Variants in RAB10 observed in about 807,000 individuals in gnomAD.
RAB10 encodes ras-related protein Rab-10.
RAB10 carries 5 observed loss-of-function variants against 25.7 expected under a neutral mutation model. That is an observed-to-expected ratio of 0.19 (90% CI 0.10 to 0.41). The LOEUF is 0.41. Ranked by LOEUF, RAB10 falls within the 10% of genes least tolerant of loss-of-function variation. RAB10 has a pLI of 1.00. For synonymous variants in RAB10, 89 were observed against 86.4 expected, an observed-to-expected ratio of 1.03 and a Z score of -0.16; for missense variants, 103 against 245.8, an observed-to-expected ratio of 0.42 and a Z score of 3.89.
At chr2:26,064,159 ATATTTCT>A (rs1666466490) in intron 1 of RAB10, among the ~76,000 whole-genome samples, 1 of 152,182 alleles carries the variant, frequency 6.6e-6, no homozygotes, top group South Asian at 2.1e-4. Flanking sequence ...ATAGCCTGCC[ATATTTCT>A]TCATTGAAAG....
chr2:26,061,518 A>AT (rs1666393812), intron 1 of RAB10, among the ~76,000 whole-genome samples: 1 of 151,896 alleles, frequency 6.6e-6, no homozygotes. Flanking sequence ...CATGTAGCTA[A>AT]TATTACAGGT....
At chr2:26,068,846 T>C (rs1666567277) in intron 1 of RAB10, among the ~76,000 whole-genome samples, 1 of 152,246 alleles carries the variant, frequency 6.6e-6, no homozygotes, top group South Asian at 2.1e-4. Context: ...ATTTTACCTC[T>C]TCTGTAGAAG....
At chr2:26,090,796 T>C (rs1667089240) in intron 1 of RAB10, among the ~76,000 whole-genome samples, 1 of 152,024 alleles carries the variant, frequency 6.6e-6, no homozygotes, top group African/African-American at 2.4e-5. Context: ...TAACTGGGTG[T>C]GGTGGCACAG....
chr2:26,042,067 A>G (rs1303432267), intron 1 of RAB10, among the ~76,000 whole-genome samples: 2 of 152,200 alleles, frequency 1.3e-5, no homozygotes, highest in African/African-American at 4.8e-5. Context: ...TGGGAATTAC[A>G]TGGATTTGTC....
intron 2 of RAB10, among the ~76,000 whole-genome samples, chr2:26,106,849 C>T (rs140466028): frequency 0.02 from 3,103 of 152,254 alleles, 59 homozygotes; most frequent in Non-Finnish European, 0.034. Context: ...CACACCACTG[C>T]ACTCCAGCCT....
intron 1 of RAB10, among the ~76,000 whole-genome samples, chr2:26,075,630 G>C (rs1395605444): frequency 1.3e-5 from 2 of 152,190 alleles, no homozygotes; most frequent in Non-Finnish European, 2.9e-5. Context: ...GGAATTTAAA[G>C]TGGTTATGTT....
chr2:26,089,876 C>T (rs1007913817), intron 1 of RAB10, among the ~76,000 whole-genome samples: 8 of 152,094 alleles, frequency 5.3e-5, no homozygotes, highest in Admixed American at 2.6e-4. Context: ...TTTTCTTTTT[C>T]GGACAACTTT....
intron 1 of RAB10, among the ~76,000 whole-genome samples, chr2:26,085,216 C>T (rs976912610): frequency 5.3e-5 from 8 of 152,192 alleles, no homozygotes; most frequent in Non-Finnish European, 8.8e-5. Context: ...AGGCCGGGGG[C>T]AGTGACTCAC....
chr2:26,034,668 G>C lies in RAB10; in HGVS notation c.60G>C (p.Val20=). The change falls in exon 1 of 6, where the codon GTG becomes GTC. Residue 20 remains valine (V), a synonymous_variant. Coordinates refer to ENST00000264710, the MANE Select transcript of RAB10 (RefSeq NM_016131.5). ...TGCTCCTGATCGGGGATTCCGGAGTGGGGAAGACCTGCGTCCTTTTTCGTT... is the reference window on the plus strand; with the variant it reads ...TGCTCCTGATCGGGGATTCCGGAGTCGGGAAGACCTGCGTCCTTTTTCGTT... ...FKLLLIGDSG[V]GKTCVLFRFS... 1 of 1,614,228 alleles carries C rather than the reference G, an allele frequency of 6.2e-7. No homozygotes were observed. Among genetic ancestry groups the C allele is most frequent in the Non-Finnish European group, 8.5e-7 (1 of 1,180,034 alleles).
chr2:26,089,627 T>C (rs1387302908), intron 1 of RAB10, among the ~76,000 whole-genome samples: 3 of 152,174 alleles, frequency 2.0e-5, no homozygotes, highest in Non-Finnish European at 4.4e-5. Flanking sequence ...TATGCACCTG[T>C]GCCTTACCTT....
At chr2:26,055,213 C>T (rs1337267325) in intron 1 of RAB10, among the ~76,000 whole-genome samples, 2 of 152,084 alleles carry the variant, frequency 1.3e-5, no homozygotes, top group Non-Finnish European at 2.9e-5. Context: ...GTTAGAAGTG[C>T]ACTAAAATCC....
In RAB10 at chr2:26,110,003, A is replaced by C. The variant is rs534564326; in HGVS notation, c.327+97A>C. ...CCAACTGATCTTCAGGATATAATGT[A>C]CTGTTGAAGTCATTATTATTGAAGT... On this transcript the variant is annotated intron_variant, in intron 3 of 5. Coordinates refer to ENST00000264710, the MANE Select transcript of RAB10 (RefSeq NM_016131.5). 29 of 1,237,982 alleles carry C rather than the reference A, an allele frequency of 2.3e-5. 1 individual carries two copies. The East Asian group carries it at 8.1e-4, about 34-fold the overall frequency. 76.7% of individuals were successfully genotyped at this position (1,237,982 alleles called of 1,614,324 possible). A position where few individuals can be genotyped will look rare whatever the true frequency, so the allele number is the denominator to read the frequency against.
chr2:26,098,767 T>G lies in RAB10; in HGVS notation c.188+45T>G, dbSNP rs149886009. 1.1e-3 allele frequency: 1,602 copies of G among 1,455,322 alleles called. 5 individuals are homozygous for G. Among genetic ancestry groups the G allele is most frequent in the Middle Eastern group, 4.9e-3 (28 of 5,688 alleles). 90.2% of individuals were successfully genotyped at this position (1,455,322 alleles called of 1,614,324 possible). A position where few individuals can be genotyped will look rare whatever the true frequency, so the allele number is the denominator to read the frequency against. On this transcript the variant is annotated intron_variant, in intron 2 of 5. Coordinates refer to ENST00000264710, the MANE Select transcript of RAB10 (RefSeq NM_016131.5). Reference sequence around the variant, plus strand: ...TTTATGTAGCAGAATGTCAGGTTCCTTAAGGTTTCACAGTGAAATTCTTTT... The same window carrying G: ...TTTATGTAGCAGAATGTCAGGTTCCGTAAGGTTTCACAGTGAAATTCTTTT...
At chr2:26,033,901 C>T (rs1665694253), upstream of RAB10, among the ~76,000 whole-genome samples, 1 of 152,208 alleles carries the variant, frequency 6.6e-6, no homozygotes, top group African/African-American at 2.4e-5. Flanking sequence ...GGGAGCGCGC[C>T]CGCGGCCTCG....
At chr2:26,065,462 A>G (rs556506853) in intron 1 of RAB10, among the ~76,000 whole-genome samples, 3 of 151,026 alleles carry the variant, frequency 2.0e-5, no homozygotes, top group Non-Finnish European at 1.5e-5. Flanking sequence ...TTTGTTTTCA[A>G]CAACTACAGT....
chr2:26,052,975 T>C (rs147095969), intron 1 of RAB10, among the ~76,000 whole-genome samples: 1 of 152,342 alleles, frequency 6.6e-6, no homozygotes, highest in African/African-American at 2.4e-5. Context: ...TCAGTGGGCC[T>C]TGAAGTTGTA....
chr2:26,045,123 T>C (rs879836449), intron 1 of RAB10, among the ~76,000 whole-genome samples: 17 of 152,208 alleles, frequency 1.1e-4, no homozygotes, highest in Non-Finnish European at 1.6e-4. Flanking sequence ...TGATGTTTCT[T>C]TTCAAGAATT....
At chr2:26,097,261 G>A (rs754059642) in intron 1 of RAB10, among the ~76,000 whole-genome samples, 1 of 151,996 alleles carries the variant, frequency 6.6e-6, no homozygotes, top group Non-Finnish European at 1.5e-5. Flanking sequence ...TACTTTGTAT[G>A]ACCTCAATAC....
chr2:26,046,864 A>C (rs549648938), intron 1 of RAB10, among the ~76,000 whole-genome samples: 1 of 152,230 alleles, frequency 6.6e-6, no homozygotes, highest in African/African-American at 2.4e-5. Context: ...TTTCTTTCGT[A>C]TAATTAGCAA....
Sources: allele counts gnomAD v4.1 joint callset (sites outside exome capture counted in the v4.1 genomes callset), GRCh38; gene constraint gnomAD v4.1.1; transcripts MANE v1.5; gene names NCBI Gene and HGNC (gene_info 2026-07-23, HGNC 2026-07-21).